Variants in CADM2 observed in about 807,000 individuals in gnomAD.
The protein encoded by CADM2 is immunoglobulin superfamily member 4D.
In CADM2, 12 loss-of-function variants were observed where a neutral mutation model predicts 49.8. The observed-to-expected ratio is 0.24, with a 90% CI of 0.15 to 0.39. The LOEUF is 0.39. Ranked by LOEUF, CADM2 falls within the 10% of genes least tolerant of loss-of-function variation. The pLI is 1.00. For missense variants in CADM2, 378 were observed against 492.3 expected, an observed-to-expected ratio of 0.77 and a Z score of 2.20; for synonymous variants, 214 against 175.4, an observed-to-expected ratio of 1.22 and a Z score of -1.74.
At chr3:85,073,845 T>A (rs1479419602) in intron 1 of CADM2, among the ~76,000 whole-genome samples, 1 of 152,140 alleles carries the variant, frequency 6.6e-6, no homozygotes, top group African/African-American at 2.4e-5. Context: ...TGATTCATAT[T>A]TATATTCAAA....
chr3:85,440,167 A>G (rs1461613428), intron 1 of CADM2, among the ~76,000 whole-genome samples: 3 of 152,198 alleles, frequency 2.0e-5, no homozygotes, highest in Admixed American at 6.5e-5. Context: ...AGAAGTGCAT[A>G]CACTTGTGTC....
intron 6 of CADM2, among the ~76,000 whole-genome samples, chr3:85,933,475 C>T (rs1414101686): frequency 6.6e-6 from 1 of 152,062 alleles, no homozygotes; most frequent in African/African-American, 2.4e-5. Flanking sequence ...TGGCACATTC[C>T]CCGCTCAATA....
chr3:85,456,610 C>T (rs190420835), intron 1 of CADM2, among the ~76,000 whole-genome samples: 1 of 151,946 alleles, frequency 6.6e-6, no homozygotes, highest in Non-Finnish European at 1.5e-5. Flanking sequence ...TCTCTTGAAC[C>T]TTTTCTGATA....
chr3:85,997,513 C>T (rs779575884), intron 8 of CADM2, among the ~76,000 whole-genome samples: 1 of 152,090 alleles, frequency 6.6e-6, no homozygotes, highest in Non-Finnish European at 1.5e-5. Context: ...AAAATGGAAA[C>T]ATCACTATTA....
chr3:84,962,140 CAATA>C (rs34672884), intron 1 of CADM2, among the ~76,000 whole-genome samples: 15 of 148,366 alleles, frequency 1.0e-4, no homozygotes, highest in African/African-American at 3.0e-4. Flanking sequence ...GCATTAGGTC[CAATA>C]AATAAATAAA....
chr3:85,468,887 A>G (rs1324081141), intron 1 of CADM2, among the ~76,000 whole-genome samples: 2 of 152,202 alleles, frequency 1.3e-5, no homozygotes, highest in Non-Finnish European at 2.9e-5. Context: ...GAGAATGTAG[A>G]GAACCCAGCT....
chr3:85,848,274 G>A (rs1194536484), intron 3 of CADM2, among the ~76,000 whole-genome samples: 3 of 152,112 alleles, frequency 2.0e-5, no homozygotes, highest in African/African-American at 7.2e-5. Flanking sequence ...TGCTATCTCA[G>A]TATTGGATTC....
At chr3:85,621,743 A>C (rs2063984735) in intron 1 of CADM2, among the ~76,000 whole-genome samples, 1 of 152,142 alleles carries the variant, frequency 6.6e-6, no homozygotes, top group Non-Finnish European at 1.5e-5. Flanking sequence ...CACGGTTTTC[A>C]GATTTTGTTT....
intron 8 of CADM2, among the ~76,000 whole-genome samples, chr3:86,032,374 A>C (rs905185651): frequency 6.6e-6 from 1 of 151,922 alleles, no homozygotes; most frequent in Non-Finnish European, 1.5e-5. Context: ...TTAGTAAACA[A>C]TGCTATAAAA....
In CADM2 at chr3:85,795,689, A is replaced by G. The variant is rs142371530; in HGVS notation, c.89-6358A>G. 9.8e-5 allele frequency among the ~76,000 whole-genome samples: 15 copies of G among 152,362 alleles called. No homozygotes were observed. The East Asian group carries it at 2.9e-3, about 29-fold the overall frequency. ...AAATAAATTATAAAAGTAAGGTATC[A>G]ATAAGATAAGATATTTAGGGACAGT... On this transcript the variant is annotated intron_variant, in intron 2 of 9. Transcript: ENST00000383699.
At chr3:85,523,640 ATAACT>A (rs1326638248) in intron 1 of CADM2, among the ~76,000 whole-genome samples, 2 of 152,044 alleles carry the variant, frequency 1.3e-5, no homozygotes, top group African/African-American at 2.4e-5. Context: ...GAAAATAATA[ATAACT>A]TATCAATAGT....
intron 1 of CADM2, among the ~76,000 whole-genome samples, chr3:85,431,860 C>T (rs865910403): frequency 5.8e-5 from 3 of 51,862 alleles, no homozygotes; most frequent in Admixed American, 2.5e-4. Context: ...TGCTTAATTG[C>T]ATATATATAT....
chr3:85,925,445 A>C (rs1262474040), intron 6 of CADM2, among the ~76,000 whole-genome samples: 1 of 152,240 alleles, frequency 6.6e-6, no homozygotes, highest in Non-Finnish European at 1.5e-5. Flanking sequence ...AGTATTAAGA[A>C]ATGTAAGTTA....
chr3:85,303,634 ATTC>A (rs1192710985), intron 1 of CADM2, among the ~76,000 whole-genome samples: 10 of 151,948 alleles, frequency 6.6e-5, no homozygotes, highest in Admixed American at 2.0e-4. Context: ...TATCTAGCAT[ATTC>A]TTTAAGAAAA....
At chr3:85,925,264 G>A (rs944594767) in intron 6 of CADM2, among the ~76,000 whole-genome samples, 7 of 151,962 alleles carry the variant, frequency 4.6e-5, no homozygotes, top group Admixed American at 1.3e-4. Flanking sequence ...ACTATATTCC[G>A]ATGGGTTGCT....
chr3:85,126,374 A>C (rs935651634), intron 1 of CADM2, among the ~76,000 whole-genome samples: 2 of 152,170 alleles, frequency 1.3e-5, no homozygotes, highest in Non-Finnish European at 2.9e-5. Flanking sequence ...GAAAGAAAGG[A>C]AAATAAAGAA....
intron 1 of CADM2, among the ~76,000 whole-genome samples, chr3:85,333,805 C>T (rs1001278491): frequency 3.3e-5 from 5 of 151,482 alleles, no homozygotes; most frequent in African/African-American, 4.8e-5. Flanking sequence ...TATTATATTT[C>T]GAAGTAAGTT....
intron 1 of CADM2, among the ~76,000 whole-genome samples, chr3:85,414,924 A>G (rs1312624926): frequency 1.3e-5 from 2 of 152,166 alleles, no homozygotes; most frequent in Non-Finnish European, 2.9e-5. Context: ...AATTCTTATT[A>G]TTAGCCTGAA....
intron 1 of CADM2, among the ~76,000 whole-genome samples, chr3:85,326,947 A>AT (rs146004301): frequency 0.095 from 14,327 of 150,694 alleles, 920 homozygotes; most frequent in African/African-American, 0.18. Flanking sequence ...GATTAGATCA[A>AT]TTTTTTTTTT....
Sources: gnomAD v4.1 joint callset for allele counts (sites outside exome capture counted in the v4.1 genomes callset) on GRCh38, gnomAD v4.1.1 for gene constraint, MANE v1.5 for transcripts, NCBI Gene and HGNC (gene_info 2026-07-23, HGNC 2026-07-21) for gene names.